The following C2CD2 variants were observed in gnomAD, a reference collection of about 807,000 sequenced individuals.
The protein encoded by C2CD2 is C2 domain-containing protein 2.
A neutral mutation model predicts 74.3 loss-of-function variants in C2CD2; 43 were observed. The ratio of observed to expected loss-of-function variants is 0.58; its 90% CI spans 0.45 to 0.75. The LOEUF (loss-of-function observed/expected upper bound fraction) is 0.75. Among genes scored for constraint, C2CD2 ranks in the 30% least tolerant of loss-of-function variants. The pLI is 0.00. For synonymous variants in C2CD2, 422 were observed against 390.7 expected, an observed-to-expected ratio of 1.08 and a Z score of -0.94; for missense variants, 801 against 916.3, an observed-to-expected ratio of 0.87 and a Z score of 1.63.
intron 2 of C2CD2, among the ~76,000 whole-genome samples, chr21:41,928,544 C>CAAAA (rs59346777): frequency 0.018 from 1,296 of 72,152 alleles, 17 homozygotes; most frequent in African/African-American, 0.023. Flanking sequence ...TAAAGCAAAG[C>CAAAA]AAAAAAAAAA....
At chr21:41,934,749 T>C (rs2065292159) in intron 2 of C2CD2, among the ~76,000 whole-genome samples, 1 of 152,128 alleles carries the variant, frequency 6.6e-6, no homozygotes, top group African/African-American at 2.4e-5. Context: ...CAGTATCCTC[T>C]ACCTTTACAG....
intron 2 of C2CD2, among the ~76,000 whole-genome samples, chr21:41,925,846 T>A (rs1392922765): frequency 6.6e-6 from 1 of 152,132 alleles, no homozygotes; most frequent in African/African-American, 2.4e-5. Flanking sequence ...AGGGTTAACA[T>A]CTACCTAAAT....
At chr21:41,916,846 C>A (rs752543826) in intron 5 of C2CD2, among the ~76,000 whole-genome samples, 15 of 152,150 alleles carry the variant, frequency 9.9e-5, no homozygotes, top group Non-Finnish European at 2.9e-5. Context: ...TTCATGGATT[C>A]CAAAAATATA....
chr21:41,938,854 G>T (rs2065331397), intron 2 of C2CD2, among the ~76,000 whole-genome samples: 1 of 150,916 alleles, frequency 6.6e-6, no homozygotes, highest in African/African-American at 2.4e-5. Flanking sequence ...CGATTCTCCT[G>T]CCTCAGCCTC....
intron 1 of C2CD2, among the ~76,000 whole-genome samples, chr21:41,947,691 C>T (rs2065413052): frequency 6.6e-6 from 1 of 152,132 alleles, no homozygotes; most frequent in Admixed American, 6.5e-5. Flanking sequence ...TCACTATGTC[C>T]CAGGCATTTT....
chr21:41,893,698 C>CTTTTT (rs60305027), intron 13 of C2CD2, among the ~76,000 whole-genome samples: 39 of 122,094 alleles, frequency 3.2e-4, no homozygotes, highest in East Asian at 1.1e-3. Context: ...TGTTAAATTT[C>CTTTTT]TTTTTTTTTT....
chr21:41,927,075 G>A (rs1392070008), intron 2 of C2CD2, among the ~76,000 whole-genome samples: 1 of 152,188 alleles, frequency 6.6e-6, no homozygotes, highest in African/African-American at 2.4e-5. Flanking sequence ...AATTTAAAAA[G>A]TAAACTCCAT....
At chr21:41,935,834 ACT>A (rs1384607726) in intron 2 of C2CD2, among the ~76,000 whole-genome samples, 1 of 151,880 alleles carries the variant, frequency 6.6e-6, no homozygotes, top group Non-Finnish European at 1.5e-5. Context: ...ACAGAGCAAG[ACT>A]CTGTCTCAAA....
intron 2 of C2CD2, among the ~76,000 whole-genome samples, chr21:41,935,688 C>T (rs1004573510): frequency 2.0e-4 from 30 of 152,088 alleles, no homozygotes; most frequent in African/African-American, 7.2e-4. Flanking sequence ...CCCGTCTCTA[C>T]TAAAAATACA....
intron 2 of C2CD2, among the ~76,000 whole-genome samples, chr21:41,933,157 C>A (rs556162396): frequency 1.2e-5 from 1 of 86,244 alleles, no homozygotes; most frequent in East Asian, 2.0e-4. Flanking sequence ...GGCAACCTGA[C>A]ACCAAAGTGT....
At chr21:41,940,510 T>C (rs2065345757) in intron 2 of C2CD2, among the ~76,000 whole-genome samples, 1 of 152,212 alleles carries the variant, frequency 6.6e-6, no homozygotes, top group Non-Finnish European at 1.5e-5. Context: ...GCCTGCTAAA[T>C]GGTACCCACA....
chr21:41,939,805 A>G lies in C2CD2; in HGVS notation c.378+2342T>C, dbSNP rs1464310588. Among the ~76,000 whole-genome samples the G allele has an allele frequency of 6.6e-6, 1 of 152,214 alleles. No homozygotes were observed. The highest frequency in any genetic ancestry group is 2.4e-5 in the African/African-American group (1 of 41,460). ...TGCTGGGGCAGAGAAAACCGGGAAC[A>G]GCACTTTGGTGACTGACTCAGGAAT... On this transcript the variant is annotated intron_variant, in intron 2 of 13. Transcript: ENST00000380486. This position sits in a 1 kb window ranked among gnomAD's most constrained non-coding sequence, Gnocchi z 5.5.
intron 2 of C2CD2, among the ~76,000 whole-genome samples, chr21:41,930,569 A>G (rs1292722734): frequency 6.7e-6 from 1 of 149,304 alleles, no homozygotes; most frequent in Non-Finnish European, 1.5e-5. Context: ...GGGCGTGGTG[A>G]CACGTGCCTG....
rs1372569720 is a variant in C2CD2, at chr21:41,887,888, TACTGGA to T, written c.*1230_*1235del. The T allele has an allele frequency of 2.0e-5, 3 of 152,370 alleles. No individual in the cohort carries two copies. The highest frequency in any genetic ancestry group is 4.4e-5 in the Non-Finnish European group (3 of 68,036). 9.4% of individuals were successfully genotyped at this position (152,370 alleles called of 1,614,324 possible). A position where few individuals can be genotyped will look rare whatever the true frequency, so the allele number is the denominator to read the frequency against. ...ATGACTGCTCTTTGACCAGCATGTC[TACTGGA>T]AGTGGCACATTCAGAAGTGAGATCT... On this transcript the variant is annotated 3_prime_UTR_variant, in exon 14 of 14. Coordinates refer to ENST00000380486, the MANE Select transcript of C2CD2 (RefSeq NM_015500.2).
At chr21:41,916,544 C>A (rs565938679) in intron 5 of C2CD2, among the ~76,000 whole-genome samples, 1 of 152,142 alleles carries the variant, frequency 6.6e-6, no homozygotes, top group East Asian at 1.9e-4. Flanking sequence ...ACGTCACGGG[C>A]TCTTTTAGGT....
At position 41,906,537 on chromosome 21, in the gene C2CD2, G is replaced by C. The variant is rs185005897; in HGVS notation, c.1318+455C>G. Among the ~76,000 whole-genome samples, 18 of 152,210 alleles carry C rather than the reference G, an allele frequency of 1.2e-4. No homozygotes were observed. In the East Asian group the frequency reaches 3.1e-3, roughly 26 times the overall value. On this transcript the variant is annotated intron_variant, in intron 10 of 13. Coordinates refer to ENST00000380486, the MANE Select transcript of C2CD2 (RefSeq NM_015500.2). The stretch of plus-strand genomic sequence containing the variant: ...CGTGCCACCACGCCCAGTTAATTTT[G>C]TATTTTTAGTAGAGATGGGGTTTCA...
At chr21:41,921,751 T>C (rs1351209710) in intron 3 of C2CD2, among the ~76,000 whole-genome samples, 1 of 140,574 alleles carries the variant, frequency 7.1e-6, no homozygotes, top group Admixed American at 7.1e-5. Context: ...TTATTATAAA[T>C]GTATGTGTGT....
intron 6 of C2CD2, among the ~76,000 whole-genome samples, chr21:41,913,919 T>C (rs2065057044): frequency 6.6e-6 from 1 of 152,198 alleles, no homozygotes; most frequent in Non-Finnish European, 1.5e-5. Context: ...CGAAGCCATC[T>C]GATGCCCATC....
In C2CD2 at chr21:41,901,735, T is replaced by G. The variant is rs757787454; in HGVS notation, c.1447A>C (p.Asn483His). 3 of 1,614,064 alleles carry G rather than the reference T, an allele frequency of 1.9e-6. No homozygotes were observed. Among genetic ancestry groups the G allele is most frequent in the Non-Finnish European group, 2.5e-6 (3 of 1,179,896 alleles). ...SSSDTELLVL[N>H]GSDPVAEVAI... ...ACTTCAGCCACTGGATCCGAACCAT[T>G]CAACACCAACAATTCTACCAGAAGG... is the stretch of plus-strand genomic sequence containing the variant. The change falls in exon 12 of 14, where the codon AAT (asparagine) becomes CAT (histidine). Residue 483 changes from asparagine to histidine, a missense_variant. Transcript: ENST00000380486.
Sources: allele counts gnomAD v4.1 joint callset (sites outside exome capture counted in the v4.1 genomes callset), GRCh38; gene constraint gnomAD v4.1.1; non-coding constraint Gnocchi (gnomAD v3.1); transcripts MANE v1.5; gene names NCBI Gene and HGNC (gene_info 2026-07-23, HGNC 2026-07-21).